DLG2: variants seen among roughly 807,000 people sequenced by gnomAD.
The protein encoded by DLG2 is discs large MAGUK scaffold protein 2.
Under a neutral mutation model 132.5 loss-of-function variants are expected in DLG2, and 45 were observed. The ratio of observed to expected loss-of-function variants is 0.34; its 90% CI spans 0.27 to 0.44. The LOEUF (loss-of-function observed/expected upper bound fraction) is 0.44, where lower values mean the gene tolerates loss of function less well. Among genes scored for constraint, DLG2 ranks in the 20% least tolerant of loss-of-function variants. The probability of loss-of-function intolerance (pLI) is 1.00; values close to 1 mark genes in which losing one functional copy is unlikely to be tolerated. For synonymous variants in DLG2, 424 were observed against 419.6 expected (o/e 1.01, Z -0.13); for missense variants, 1,045 against 1,196.9 (o/e 0.87, Z 1.87).
rs59825403 is a variant in DLG2 at position 84,910,762 on chromosome 11, A to AAACAACAAC, written c.357+200890_357+200898dup. Among the ~76,000 whole-genome samples, 156 of 141,410 alleles carry AAACAACAAC rather than the reference A, an allele frequency of 1.1e-3. 1 individual carries two copies. The highest frequency in any genetic ancestry group is 3.6e-3 in the African/African-American group (145 of 40,322). The allele number at this position is 141,410 out of a possible 152,430, so 92.8% of individuals were successfully genotyped here. ...ATTCCCTTCCACAAAAAGGAAGAAA[A>AAACAACAAC]AACAACAACAACAACAACAACAACA... On this transcript the variant is annotated intron_variant, in intron 6 of 27. Coordinates refer to ENST00000376104, the MANE Select transcript of DLG2 (RefSeq NM_001142699.3).
chr11:84,424,250 T>C (rs893588157), intron 7 of DLG2, among the ~76,000 whole-genome samples: 1 of 152,110 alleles, frequency 6.6e-6, no homozygotes, highest in Admixed American at 6.5e-5. Context: ...GTTGCTATAT[T>C]AGGGCAGAAA....
intron 7 of DLG2, among the ~76,000 whole-genome samples, chr11:84,252,140 C>CTTTTTTTTTTTTTTTTTTTTTT (rs1176873990): frequency 1.5e-5 from 1 of 65,338 alleles, no homozygotes; most frequent in Non-Finnish European, 2.7e-5. Flanking sequence ...TTCTTTCTTT[C>CTTTTTTTTTTTTTTTTTTTTTT]TTTTTTTTTT....
At chr11:83,797,880 C>A (rs2043261894) in intron 17 of DLG2, among the ~76,000 whole-genome samples, 1 of 152,130 alleles carries the variant, frequency 6.6e-6, no homozygotes, top group East Asian at 1.9e-4. Flanking sequence ...GCATGATAAG[C>A]CATTTTAGTA....
intron 6 of DLG2, among the ~76,000 whole-genome samples, chr11:84,910,466 TAATA>T (rs912127436): frequency 6.6e-6 from 1 of 152,208 alleles, no homozygotes; most frequent in Non-Finnish European, 1.5e-5. Flanking sequence ...AAATTAACTT[TAATA>T]AATAAAAATT....
chr11:85,190,599 A>T (rs75788522), intron 4 of DLG2, among the ~76,000 whole-genome samples: 118 of 152,302 alleles, frequency 7.7e-4, no homozygotes, highest in African/African-American at 2.7e-3. Context: ...AAAATAAACA[A>T]GATTGATAGA....
intron 6 of DLG2, among the ~76,000 whole-genome samples, chr11:84,742,200 A>T (rs1390140536): frequency 6.6e-6 from 1 of 152,176 alleles, no homozygotes; most frequent in African/African-American, 2.4e-5. Context: ...ATTCCAGAAG[A>T]AAAGGGAAGT....
At chr11:84,626,729 G>A (rs1317905391) in intron 6 of DLG2, among the ~76,000 whole-genome samples, 5 of 152,122 alleles carry the variant, frequency 3.3e-5, no homozygotes, top group Non-Finnish European at 5.9e-5. Flanking sequence ...ACATGTACAG[G>A]AGCAGCAAGA....
At chr11:85,368,562 T>G (rs1451022731) in intron 3 of DLG2, among the ~76,000 whole-genome samples, 1 of 152,206 alleles carries the variant, frequency 6.6e-6, no homozygotes, top group Non-Finnish European at 1.5e-5. Context: ...CTGATGCATC[T>G]TCCTACTTTT....
chr11:85,315,591 C>T (rs1029824034), intron 3 of DLG2, among the ~76,000 whole-genome samples: 4 of 151,922 alleles, frequency 2.6e-5, no homozygotes, highest in African/African-American at 9.7e-5. Context: ...ATGCAGGGAG[C>T]AACAGTGAAC....
At chr11:85,488,963 G>C (rs1383630447) in intron 3 of DLG2, among the ~76,000 whole-genome samples, 1 of 152,022 alleles carries the variant, frequency 6.6e-6, no homozygotes, top group Non-Finnish European at 1.5e-5. Flanking sequence ...AAAAGAATCA[G>C]ATGATACCAC....
chr11:84,787,429 A>G (rs1309094635), intron 6 of DLG2, among the ~76,000 whole-genome samples: 1 of 151,984 alleles, frequency 6.6e-6, no homozygotes, highest in Non-Finnish European at 1.5e-5. Flanking sequence ...TCCTTCTCTA[A>G]ATAATTAATT....
chr11:83,870,328 T>C (rs1244917521), intron 16 of DLG2, among the ~76,000 whole-genome samples: 2 of 152,210 alleles, frequency 1.3e-5, no homozygotes, highest in East Asian at 3.8e-4. Flanking sequence ...GTGTATATAT[T>C]ATTTAGCTCC....
At chr11:85,067,919 C>T (rs1399504250) in intron 6 of DLG2, among the ~76,000 whole-genome samples, 4 of 151,908 alleles carry the variant, frequency 2.6e-5, no homozygotes, top group Admixed American at 1.3e-4. Context: ...ACTGGCAAAC[C>T]GAATATAGCA....
At chr11:83,801,771 G>A (rs534047727) in intron 17 of DLG2, among the ~76,000 whole-genome samples, 18 of 151,968 alleles carry the variant, frequency 1.2e-4, no homozygotes, top group African/African-American at 4.1e-4. Flanking sequence ...CACCCACCCC[G>A]AGAAAAGCTT....
intron 3 of DLG2, among the ~76,000 whole-genome samples, chr11:85,478,304 G>A (rs996254006): frequency 3.3e-5 from 5 of 152,016 alleles, no homozygotes; most frequent in African/African-American, 7.2e-5. Flanking sequence ...TGACAAGCAT[G>A]AGCCACTGCA....
intron 18 of DLG2, among the ~76,000 whole-genome samples, chr11:83,668,070 A>T (rs1326868727): frequency 2.1e-4 from 10 of 46,624 alleles, no homozygotes; most frequent in Non-Finnish European, 2.8e-4. Flanking sequence ...AAATGAAGTA[A>T]AAAAAAAAAA....
chr11:84,619,096 T>C (rs953704308), intron 6 of DLG2, among the ~76,000 whole-genome samples: 6 of 151,898 alleles, frequency 4.0e-5, no homozygotes, highest in African/African-American at 1.4e-4. Context: ...CACATTTTTC[T>C]TAGGCAAACA....
At chr11:85,502,789 C>A (rs901347684) in intron 3 of DLG2, among the ~76,000 whole-genome samples, 2 of 152,090 alleles carry the variant, frequency 1.3e-5, no homozygotes, top group Non-Finnish European at 2.9e-5. Flanking sequence ...GCACATTCTG[C>A]ACATGTATTC....
chr11:84,505,936 G>A (rs2099238144), intron 7 of DLG2, among the ~76,000 whole-genome samples: 1 of 152,020 alleles, frequency 6.6e-6, no homozygotes, highest in African/African-American at 2.4e-5. Flanking sequence ...CATTCCTGAA[G>A]GTTATAAATT....
Sources: gnomAD v4.1 joint callset for allele counts (sites outside exome capture counted in the v4.1 genomes callset) on GRCh38, gnomAD v4.1.1 for gene constraint, MANE v1.5 for transcripts, NCBI Gene and HGNC (gene_info 2026-07-23, HGNC 2026-07-21) for gene names.